Variants in KLHL29 observed in about 807,000 individuals in gnomAD.
The protein encoded by KLHL29 is kelch-like protein 29.
In KLHL29, 21 loss-of-function variants were observed where a neutral mutation model predicts 80.4. The observed-to-expected ratio is 0.26, with a 90% CI of 0.19 to 0.38. The LOEUF (loss-of-function observed/expected upper bound fraction) is 0.38. Among genes scored for constraint, KLHL29 ranks in the 10% least tolerant of loss-of-function variants. KLHL29 has a pLI of 1.00. For synonymous variants in KLHL29, 511 were observed against 526.8 expected (o/e 0.97, Z 0.41); for missense variants, 867 against 1,223.9 (o/e 0.71, Z 4.35).
chr2:23,512,817 G>A (rs192535590), intron 2 of KLHL29, among the ~76,000 whole-genome samples: 2 of 152,392 alleles, frequency 1.3e-5, no homozygotes, highest in African/African-American at 4.8e-5. Flanking sequence ...GGGGCTGTCT[G>A]TTGGTTAAAG....
At chr2:23,431,873 G>A (rs1663190777) in intron 1 of KLHL29, among the ~76,000 whole-genome samples, 1 of 133,070 alleles carries the variant, frequency 7.5e-6, no homozygotes, top group Admixed American at 8.9e-5. Flanking sequence ...CTGTACTCCA[G>A]CCTGGGCGAC....
chr2:23,604,131 T>G (rs1277331803), intron 3 of KLHL29, among the ~76,000 whole-genome samples: 1 of 142,704 alleles, frequency 7.0e-6, no homozygotes, highest in African/African-American at 2.6e-5. Flanking sequence ...GATCCTTTCT[T>G]TTTTGTTTTT....
At chr2:23,505,829 C>T (rs1452667196) in intron 2 of KLHL29, among the ~76,000 whole-genome samples, 1 of 152,236 alleles carries the variant, frequency 6.6e-6, no homozygotes, top group Admixed American at 6.5e-5. Flanking sequence ...GGGTTTACAT[C>T]AGAAGTGTCC....
At chr2:23,518,279 G>A (rs1005103862) in intron 2 of KLHL29, among the ~76,000 whole-genome samples, 1 of 152,174 alleles carries the variant, frequency 6.6e-6, no homozygotes, top group East Asian at 1.9e-4. Context: ...AGTTTTCACT[G>A]TGACCTGTTG....
At chr2:23,591,513 G>A (rs1668259933) in intron 3 of KLHL29, among the ~76,000 whole-genome samples, 1 of 127,950 alleles carries the variant, frequency 7.8e-6, no homozygotes, top group East Asian at 2.3e-4. Flanking sequence ...CAACCCCCAT[G>A]TTCCCATCCG....
intron 3 of KLHL29, among the ~76,000 whole-genome samples, chr2:23,592,148 C>T (rs555591382): frequency 6.6e-6 from 1 of 152,372 alleles, no homozygotes; most frequent in African/African-American, 2.4e-5. Flanking sequence ...AGGGGCCCAT[C>T]CTCATCAGTG....
rs375711776 is a variant in KLHL29, at chr2:23,501,748, C to T, written c.-46+26081C>T. 5.9e-5 allele frequency among the ~76,000 whole-genome samples: 9 copies of T among 152,284 alleles called. No individual in the cohort carries two copies. The East Asian group carries it at 1.5e-3, about 26-fold the overall frequency. ...CTAAATATTGTTTTTAATGTAACTT[C>T]TCTACAACGAAATGCCTGGATCTTT... is the stretch of plus-strand genomic sequence containing the variant. On this transcript the variant is annotated intron_variant, in intron 2 of 13. Transcript: ENST00000486442.
At chr2:23,662,837 G>A (rs1381256140) in intron 5 of KLHL29, among the ~76,000 whole-genome samples, 1 of 152,208 alleles carries the variant, frequency 6.6e-6, no homozygotes, top group East Asian at 1.9e-4. Flanking sequence ...CTGACTGCCT[G>A]GGGAAGGGTG....
chr2:23,468,243 T>C (rs1558349152), intron 1 of KLHL29, among the ~76,000 whole-genome samples: 1 of 152,058 alleles, frequency 6.6e-6, no homozygotes, highest in Non-Finnish European at 1.5e-5. Flanking sequence ...TGCAGCTCCC[T>C]CAGATTATAA....
At chr2:23,583,006 C>T (rs1668025072) in intron 3 of KLHL29, among the ~76,000 whole-genome samples, 1 of 152,168 alleles carries the variant, frequency 6.6e-6, no homozygotes, top group African/African-American at 2.4e-5. Context: ...TTTGACAACA[C>T]AGAGAAGGCC....
At chr2:23,460,332 A>G (rs773042683) in intron 1 of KLHL29, among the ~76,000 whole-genome samples, 2 of 152,118 alleles carry the variant, frequency 1.3e-5, no homozygotes, top group African/African-American at 2.4e-5. Flanking sequence ...GTGGTTCTCA[A>G]CCAGGGATGA....
At chr2:23,502,154 C>G (rs1342105954) in intron 2 of KLHL29, among the ~76,000 whole-genome samples, 4 of 152,144 alleles carry the variant, frequency 2.6e-5, no homozygotes. Flanking sequence ...AACTCTACAC[C>G]TGGAATGTCA....
chr2:23,402,017 T>C (rs1666609239), intron 1 of KLHL29, among the ~76,000 whole-genome samples: 1 of 152,204 alleles, frequency 6.6e-6, no homozygotes, highest in African/African-American at 2.4e-5. Flanking sequence ...TCTAGGCCAG[T>C]GCTGGGCACA....
chr2:23,583,592 G>A lies in KLHL29; in HGVS notation c.285+21111G>A, dbSNP rs553145838. On this transcript the variant is annotated intron_variant, in intron 3 of 13. Transcript: ENST00000486442. ...AAGGAGCTGGGTGCGTCATTTACGT[G>A]CAGTGGTGTCTCCAAGGAGGGGCAG... 3.1e-4 allele frequency among the ~76,000 whole-genome samples: 47 copies of A among 152,334 alleles called. 1 individual carries two copies. The South Asian group carries it at 9.6e-3, about 31-fold the overall frequency.
chr2:23,429,341 C>T (rs1450377106), intron 1 of KLHL29, among the ~76,000 whole-genome samples: 2 of 152,186 alleles, frequency 1.3e-5, no homozygotes, highest in Admixed American at 6.5e-5. Context: ...GATATGTGCT[C>T]CTCAGCGTGT....
At chr2:23,425,387 C>T (rs73921814) in intron 1 of KLHL29, among the ~76,000 whole-genome samples, 43 of 152,288 alleles carry the variant, frequency 2.8e-4, no homozygotes, top group African/African-American at 1.0e-3. Context: ...CAGTCCCCGC[C>T]TGCTAAGGAA....
intron 6 of KLHL29, 50 bp from the exon 7 acceptor site, chr2:23,691,623 GC>G: frequency 6.7e-7 from 1 of 1,486,660 alleles, no homozygotes; most frequent in African/African-American, 1.4e-5. Context: ...TGAGGAAGCG[GC>G]ACGGTGGCCG....
At chr2:23,605,564 T>C (rs1268882576) in intron 3 of KLHL29, among the ~76,000 whole-genome samples, 1 of 152,170 alleles carries the variant, frequency 6.6e-6, no homozygotes, top group African/African-American at 2.4e-5. Context: ...CTCTCAGTTT[T>C]TGTTGAGCTA....
chr2:23,563,169 C>G (rs909546332), intron 3 of KLHL29, among the ~76,000 whole-genome samples: 1 of 152,210 alleles, frequency 6.6e-6, no homozygotes, highest in African/African-American at 2.4e-5. Context: ...AGAGGTGGCT[C>G]CAGCCTTGGG....
Sources: gnomAD v4.1 joint callset for allele counts (sites outside exome capture counted in the v4.1 genomes callset) on GRCh38, gnomAD v4.1.1 for gene constraint, MANE v1.5 for transcripts, NCBI Gene and HGNC (gene_info 2026-07-23, HGNC 2026-07-21) for gene names.